The following CR1 variants were observed in gnomAD, a reference collection of about 807,000 sequenced individuals.
CR1 encodes complement receptor type 1.
In CR1, 116 loss-of-function variants were observed where a neutral mutation model predicts 187.3. The ratio of observed to expected loss-of-function variants is 0.62; its 90% CI spans 0.53 to 0.72. The LOEUF is 0.72. Among genes scored for constraint, CR1 ranks in the 30% least tolerant of loss-of-function variants. The pLI is 0.00. For missense variants in CR1, 1,731 were observed against 2,110.7 expected (o/e 0.82, Z 3.52); for synonymous variants, 576 against 747.1 (o/e 0.77, Z 3.73).
In CR1 at chr1:207,613,061, C is replaced by T. The variant is rs143703040; in HGVS notation, c.6575+1020C>T. On this transcript the variant is annotated intron_variant, in intron 39 of 46. Transcript: ENST00000367049. ...ACAGCTGCCCTCCCACAGCAGAGGG[C>T]GGAGGGCCACAGTGTTACAGGCTTC... 7.5e-3 allele frequency among the ~76,000 whole-genome samples: 1,143 copies of T among 152,246 alleles called. 16 individuals carry two copies. Among genetic ancestry groups the T allele is most frequent in the African/African-American group, 0.026 (1,084 of 41,536 alleles).
chr1:207,577,750 C>CAG (rs1277979368), intron 28 of CR1, 55 bp from the exon 29 acceptor site: 13 of 1,602,646 alleles, frequency 8.1e-6, no homozygotes, highest in Middle Eastern at 1.9e-4. Context: ...GCCTGGGTGA[C>CAG]AGCAAGACTC....
At chr1:207,606,650 T>A (rs887040059) in intron 35 of CR1, 1 of 152,230 alleles carries the variant, frequency 6.6e-6, no homozygotes, top group Non-Finnish European at 1.5e-5. Flanking sequence ...ACCTAATAAA[T>A]TTTTTAAAAG....
intron 40 of CR1, 108 bp downstream of exon 40, chr1:207,614,597 A>C (rs55908874): frequency 6.6e-6 from 5 of 751,978 alleles, no homozygotes; most frequent in Non-Finnish European, 1.1e-5. Flanking sequence ...TAACTAAATT[A>C]TGGATAAAAA....
In CR1 at chr1:207,618,138, T is replaced by G; in HGVS notation, c.6957T>G (p.Pro2319=). ...GAGGACACGTATCTCTATATCTTCCTGGGATGACAATCAGCTACATTTGTG... is the reference window on the plus strand; with the variant it reads ...GAGGACACGTATCTCTATATCTTCCGGGGATGACAATCAGCTACATTTGTG... The part of the protein sequence containing the change: ...YIGGHVSLYL[P]GMTISYICDP... The change falls in exon 42 of 47, where the codon CCT becomes CCG. Residue 2319 remains proline (P), a synonymous_variant. Coordinates refer to ENST00000367049, the MANE Select transcript of CR1 (RefSeq NM_000651.6). 1 of 1,613,970 alleles carries G rather than the reference T, an allele frequency of 6.2e-7. No individual in the cohort carries two copies. Among genetic ancestry groups the G allele is most frequent in the Non-Finnish European group, 8.5e-7 (1 of 1,179,876 alleles).
At chr1:207,630,953 G>A (rs1362926995) in intron 46 of CR1, among the ~76,000 whole-genome samples, 1 of 152,048 alleles carries the variant, frequency 6.6e-6, no homozygotes, top group Non-Finnish European at 1.5e-5. Context: ...GTACCTCCAA[G>A]TCTTCCAGCT....
chr1:207,605,259 A>G (rs1271890053), intron 35 of CR1, among the ~76,000 whole-genome samples: 1 of 142,048 alleles, frequency 7.0e-6, no homozygotes, highest in Non-Finnish European at 1.5e-5. Context: ...GACCCTGTCA[A>G]AAAAAAAAAA....
chr1:207,614,074 GC>G (rs1662021931), intron 39 of CR1, among the ~76,000 whole-genome samples: 1 of 152,184 alleles, frequency 6.6e-6, no homozygotes, highest in African/African-American at 2.4e-5. Context: ...TGGCTCTTGT[GC>G]CCATGGAGAA....
chr1:207,615,420 G>A (rs1413567105), intron 40 of CR1, among the ~76,000 whole-genome samples: 1 of 152,274 alleles, frequency 6.6e-6, no homozygotes, highest in Admixed American at 6.5e-5. Flanking sequence ...AAATTAGTAC[G>A]ATGGAAGGAG....
chr1:207,579,118 C>G (rs942056876), intron 29 of CR1, among the ~76,000 whole-genome samples: 1 of 152,130 alleles, frequency 6.6e-6, no homozygotes, highest in African/African-American at 2.4e-5. Context: ...TAAGCATGAA[C>G]GAACAGGACT....
intron 35 of CR1, among the ~76,000 whole-genome samples, chr1:207,593,082 T>TAAAAAAAAAAA (rs778842599): frequency 1.7e-5 from 1 of 59,936 alleles, no homozygotes; most frequent in African/African-American, 2.3e-4. Context: ...TTCACAGAAT[T>TAAAAAAAAAAA]ACAAAAAAAA....
At chr1:207,502,532 T>C (rs1407008524) in intron 1 of CR1, among the ~76,000 whole-genome samples, 1 of 152,088 alleles carries the variant, frequency 6.6e-6, no homozygotes, top group Non-Finnish European at 1.5e-5. Flanking sequence ...AGGAATGTCA[T>C]AGACGGGAAA....
At chr1:207,625,891 A>C (rs1662464548) in intron 45 of CR1, among the ~76,000 whole-genome samples, 1 of 152,196 alleles carries the variant, frequency 6.6e-6, no homozygotes, top group Admixed American at 6.5e-5. Context: ...TATCTATAGG[A>C]GCAATTAGGG....
chr1:207,597,160 A>C (rs1190184368), intron 35 of CR1, among the ~76,000 whole-genome samples: 1 of 151,646 alleles, frequency 6.6e-6, no homozygotes, highest in African/African-American at 2.4e-5. Flanking sequence ...TCCATTTAGC[A>C]GAGCAAGAAT....
At chr1:207,603,480 G>A (rs910029941) in intron 35 of CR1, among the ~76,000 whole-genome samples, 3 of 152,008 alleles carry the variant, frequency 2.0e-5, no homozygotes, top group Non-Finnish European at 4.4e-5. Flanking sequence ...TCTTACTTCT[G>A]TACTTAACAG....
At chr1:207,517,858 C>A (rs1659851885) in intron 4 of CR1, among the ~76,000 whole-genome samples, 1 of 152,076 alleles carries the variant, frequency 6.6e-6, no homozygotes, top group South Asian at 2.1e-4. Flanking sequence ...TCATTAATTT[C>A]TGATATTGGT....
At chr1:207,595,861 G>T (rs1661422006) in intron 35 of CR1, among the ~76,000 whole-genome samples, 1 of 151,414 alleles carries the variant, frequency 6.6e-6, no homozygotes, top group Non-Finnish European at 1.5e-5. Context: ...ATTCTTGAAA[G>T]ATAATTCATG....
chr1:207,581,118 A>G (rs1660923644), intron 31 of CR1, among the ~76,000 whole-genome samples: 1 of 152,096 alleles, frequency 6.6e-6, no homozygotes, highest in South Asian at 2.1e-4. Flanking sequence ...ATATATATGT[A>G]TACATACGTA....
At chr1:207,607,584 A>G (rs1661789559) in intron 36 of CR1, among the ~76,000 whole-genome samples, 1 of 152,126 alleles carries the variant, frequency 6.6e-6, no homozygotes, top group Non-Finnish European at 1.5e-5. Context: ...CAGTATAGAG[A>G]GTGTTGTCCT....
At chr1:207,514,919 G>C (rs1160512605) in intron 4 of CR1, among the ~76,000 whole-genome samples, 1 of 148,238 alleles carries the variant, frequency 6.7e-6, no homozygotes, top group Non-Finnish European at 1.5e-5. Context: ...TTACGTTCTT[G>C]GGAAGTTTTT....
Sources: gnomAD v4.1 joint callset for allele counts (sites outside exome capture counted in the v4.1 genomes callset) on GRCh38, gnomAD v4.1.1 for gene constraint, MANE v1.5 for transcripts, NCBI Gene and HGNC (gene_info 2026-07-23, HGNC 2026-07-21) for gene names.